Variants in PTPRN2 observed in about 807,000 individuals in gnomAD.
The protein encoded by PTPRN2 is receptor-type tyrosine-protein phosphatase N2.
PTPRN2 carries 74 observed loss-of-function variants against 118.8 expected under a neutral mutation model. That is an observed-to-expected ratio of 0.62 (90% CI 0.52 to 0.76). The LOEUF (loss-of-function observed/expected upper bound fraction) is 0.76. Among genes scored for constraint, PTPRN2 ranks in the 30% least tolerant of loss-of-function variants. PTPRN2 has a pLI of 0.00. For missense variants in PTPRN2, 1,481 were observed against 1,394.4 expected (o/e 1.06, Z -0.99); for synonymous variants, 641 against 608.0 (o/e 1.05, Z -0.80).
At chr7:158,264,319 A>G (rs759388991) in intron 3 of PTPRN2, among the ~76,000 whole-genome samples, 1 of 152,162 alleles carries the variant, frequency 6.6e-6, no homozygotes, top group Non-Finnish European at 1.5e-5. Flanking sequence ...TGACATCTCA[A>G]GTTAGACAAT....
intron 2 of PTPRN2, among the ~76,000 whole-genome samples, chr7:158,474,539 G>A (rs532894793): frequency 2.0e-5 from 3 of 152,334 alleles, no homozygotes; most frequent in South Asian, 4.1e-4. Flanking sequence ...AATGCTGCAG[G>A]TTGCACAGAG....
At chr7:157,819,233 C>T (rs922851256) in intron 12 of PTPRN2, among the ~76,000 whole-genome samples, 1 of 152,168 alleles carries the variant, frequency 6.6e-6, no homozygotes, top group African/African-American at 2.4e-5. Context: ...GCTCATTTGG[C>T]GCTGGGTCTT....
chr7:158,514,623 G>A (rs1030223920), intron 1 of PTPRN2, among the ~76,000 whole-genome samples: 3 of 152,102 alleles, frequency 2.0e-5, no homozygotes, highest in Non-Finnish European at 2.9e-5. Context: ...CAGTGCTCAC[G>A]GGTGCGTCAA....
chr7:157,798,716 T>G (rs537416209), intron 12 of PTPRN2, among the ~76,000 whole-genome samples: 91 of 152,244 alleles, frequency 6.0e-4, no homozygotes, highest in Non-Finnish European at 1.0e-3. Context: ...ATTAATTACC[T>G]CTTTTTTGCC....
At chr7:157,945,506 C>A (rs1397033132) in intron 11 of PTPRN2, among the ~76,000 whole-genome samples, 2 of 152,176 alleles carry the variant, frequency 1.3e-5, no homozygotes, top group Non-Finnish European at 2.9e-5. Context: ...GGCCCCTGAA[C>A]CTGCCGTTCC....
intron 11 of PTPRN2, among the ~76,000 whole-genome samples, chr7:157,917,475 G>C (rs1256437412): frequency 6.6e-6 from 1 of 152,214 alleles, no homozygotes; most frequent in Non-Finnish European, 1.5e-5. Flanking sequence ...ATTCTGCCGG[G>C]GGGCGGGGCT....
At chr7:157,865,386 A>C (rs1232475982) in intron 12 of PTPRN2, 1 of 152,202 alleles carries the variant, frequency 6.6e-6, no homozygotes, top group African/African-American at 2.4e-5. Context: ...CAGCGCTATT[A>C]TTAGTCAGGG....
intron 12 of PTPRN2, among the ~76,000 whole-genome samples, chr7:157,750,405 C>T (rs988120311): frequency 6.6e-6 from 1 of 152,164 alleles, no homozygotes; most frequent in African/African-American, 2.4e-5. Flanking sequence ...TACTACTGCA[C>T]AGGAATGTCC....
chr7:157,890,321 C>T (rs1464745144), intron 12 of PTPRN2, among the ~76,000 whole-genome samples: 1 of 152,160 alleles, frequency 6.6e-6, no homozygotes, highest in African/African-American at 2.4e-5. Context: ...CTGTTGTTCT[C>T]AAGCAACCTT....
Position 157,802,557 on chromosome 7 carries a change from C to T in PTPRN2, c.1788+96116G>A, listed in dbSNP as rs917651748. ...GAACTCCGGAGCGCACCCGTCACTT[C>T]GAGGTCCTGATTTAACTTCCTTTGG... On this transcript the variant is annotated intron_variant, in intron 12 of 22. Transcript: ENST00000389418. Among the ~76,000 whole-genome samples the T allele has an allele frequency of 8.5e-5, 13 of 152,330 alleles. 1 individual carries two copies. In the East Asian group the frequency reaches 1.3e-3, roughly 16 times the overall value.
intron 1 of PTPRN2, chr7:158,541,284 G>T (rs2129449524): frequency 4.7e-6 from 2 of 424,692 alleles, no homozygotes; most frequent in Non-Finnish European, 4.0e-6. Context: ...CACGTGCTTG[G>T]AACTGTCACT....
At chr7:158,500,267 T>G (rs1822264838) in intron 1 of PTPRN2, among the ~76,000 whole-genome samples, 1 of 152,190 alleles carries the variant, frequency 6.6e-6, no homozygotes, top group Admixed American at 6.5e-5. Context: ...ACGTGAGACC[T>G]TATCAGAGGA....
chr7:157,847,188 ACG>A (rs1808895996), intron 12 of PTPRN2, among the ~76,000 whole-genome samples: 2 of 124,222 alleles, frequency 1.6e-5, no homozygotes, highest in Non-Finnish European at 3.4e-5. Flanking sequence ...TCACTCCATC[ACG>A]TGTGCCCGAT....
chr7:158,460,565 G>A (rs1288526909), intron 2 of PTPRN2, among the ~76,000 whole-genome samples: 1 of 151,704 alleles, frequency 6.6e-6, no homozygotes, highest in Non-Finnish European at 1.5e-5. Context: ...GGGTCATCCA[G>A]CTCCAGGATG....
In PTPRN2 at chr7:158,345,399, G is replaced by C. The variant is rs375208939; in HGVS notation, c.164-28467C>G. Among the ~76,000 whole-genome samples, 44 of 152,348 alleles carry C rather than the reference G, an allele frequency of 2.9e-4. 1 individual carries two copies. In the South Asian group the frequency reaches 8.5e-3, roughly 29 times the overall value. ...GCGTGTTCTTATAGGAGGCCACAGA[G>C]GGTTTTATGAAGAGTAAGCTTCGGA... On this transcript the variant is annotated intron_variant, in intron 2 of 22. Coordinates refer to ENST00000389418, the MANE Select transcript of PTPRN2 (RefSeq NM_002847.5).
intron 11 of PTPRN2, among the ~76,000 whole-genome samples, chr7:158,002,857 T>C (rs10280324): frequency 0.68 from 104,017 of 152,118 alleles, 35,793 homozygotes; most frequent in East Asian, 0.87. Flanking sequence ...GGAGCTGGCC[T>C]GGACCACCCT....
intron 11 of PTPRN2, among the ~76,000 whole-genome samples, chr7:158,049,918 A>T (rs974476294): frequency 1.3e-5 from 2 of 151,906 alleles, no homozygotes; most frequent in East Asian, 3.9e-4. Context: ...AAAAAATGCA[A>T]CCTGATAGAA....
intron 12 of PTPRN2, among the ~76,000 whole-genome samples, chr7:157,706,201 A>G (rs555917623): frequency 2.0e-5 from 3 of 152,074 alleles, no homozygotes; most frequent in East Asian, 3.9e-4. Context: ...CAATGCCAGG[A>G]ACTGACCAAA....
chr7:157,597,859 T>G (rs989878854), intron 16 of PTPRN2, among the ~76,000 whole-genome samples: 137 of 152,300 alleles, frequency 9.0e-4, no homozygotes, highest in African/African-American at 3.2e-3. Context: ...ATGATCCGAG[T>G]GGTGACATGT....
Sources: allele counts gnomAD v4.1 joint callset (sites outside exome capture counted in the v4.1 genomes callset), GRCh38; gene constraint gnomAD v4.1.1; transcripts MANE v1.5; gene names NCBI Gene and HGNC (gene_info 2026-07-23, HGNC 2026-07-21).